FHIT: variants seen among roughly 807,000 people sequenced by gnomAD.
FHIT encodes the protein bis(5'-adenosyl)-triphosphatase.
A neutral mutation model predicts 17.9 loss-of-function variants in FHIT; 19 were observed. The ratio of observed to expected loss-of-function variants is 1.06; its 90% CI spans 0.74 to 1.56. FHIT has a LOEUF of 1.56. Ranked by LOEUF, FHIT falls within the 40% of genes most tolerant of loss-of-function variation. The pLI is 0.00. For synonymous variants in FHIT, 81 were observed against 69.7 expected, an observed-to-expected ratio of 1.16 and a Z score of -0.81; for missense variants, 248 against 189.2, an observed-to-expected ratio of 1.31 and a Z score of -1.82.
At chr3:60,877,844 C>T (rs1342554308) in intron 3 of FHIT, among the ~76,000 whole-genome samples, 1 of 152,004 alleles carries the variant, frequency 6.6e-6, no homozygotes, top group Non-Finnish European at 1.5e-5. Context: ...GGACTCATCA[C>T]TGTGCTACTC....
chr3:60,793,562 C>T (rs1335542503), intron 4 of FHIT, among the ~76,000 whole-genome samples: 2 of 152,216 alleles, frequency 1.3e-5, no homozygotes, highest in African/African-American at 2.4e-5. Context: ...CTCAGCCTCC[C>T]AAAGTGCTGG....
intron 5 of FHIT, among the ~76,000 whole-genome samples, chr3:60,458,369 G>A (rs1309218807): frequency 2.7e-5 from 4 of 150,732 alleles, no homozygotes; most frequent in Non-Finnish European, 5.9e-5. Flanking sequence ...CTCATAGGTG[G>A]GAATTGAACT....
At chr3:60,623,922 G>A (rs1266267131) in intron 4 of FHIT, among the ~76,000 whole-genome samples, 5 of 152,156 alleles carry the variant, frequency 3.3e-5, no homozygotes, top group African/African-American at 1.2e-4. Context: ...CTATGCATCA[G>A]GCACTGTGCT....
At chr3:61,205,925 T>A (rs2039215303) in intron 1 of FHIT, among the ~76,000 whole-genome samples, 1 of 147,964 alleles carries the variant, frequency 6.8e-6, no homozygotes, top group Admixed American at 6.9e-5. Context: ...TTGCCTAGGT[T>A]TTCTTCTAGG....
chr3:60,073,238 G>A (rs971413423), intron 5 of FHIT, among the ~76,000 whole-genome samples: 1 of 152,050 alleles, frequency 6.6e-6, no homozygotes, highest in African/African-American at 2.4e-5. Flanking sequence ...TAGTAGAGAT[G>A]GTTGACTCAA....
At chr3:60,464,429 C>T (rs1385917731) in intron 5 of FHIT, among the ~76,000 whole-genome samples, 1 of 151,896 alleles carries the variant, frequency 6.6e-6, no homozygotes, top group Non-Finnish European at 1.5e-5. Flanking sequence ...CTGTAGTCAC[C>T]CTGTTATGCT....
chr3:60,786,117 G>C (rs989747781), intron 4 of FHIT, among the ~76,000 whole-genome samples: 1 of 152,108 alleles, frequency 6.6e-6, no homozygotes, highest in Admixed American at 6.5e-5. Flanking sequence ...CTAATTTTTA[G>C]AAATTGATAG....
Position 60,311,050 on chromosome 3 carries a change from CACTGTCTT to C in FHIT, c.103+225802_103+225809del, listed in dbSNP as rs1235445492. Among the ~76,000 whole-genome samples, 5 of 152,174 alleles carry C rather than the reference CACTGTCTT, an allele frequency of 3.3e-5. No individual in the cohort carries two copies. The East Asian group carries it at 9.6e-4, about 29-fold the overall frequency. On this transcript the variant is annotated intron_variant, in intron 5 of 9. Transcript: ENST00000492590. The stretch of plus-strand genomic sequence containing the variant: ...CATTGGTACAATATTATATCCAGTC[CACTGTCTT>C]CTGTTTCTCAATTTTGTCAATTAAC...
chr3:61,123,764 G>C (rs1337873894), intron 2 of FHIT, among the ~76,000 whole-genome samples: 2 of 152,092 alleles, frequency 1.3e-5, no homozygotes, highest in African/African-American at 2.4e-5. Context: ...TCTAATTGTA[G>C]TGTTTGCCAA....
chr3:60,767,010 T>C (rs1553721622), intron 4 of FHIT, among the ~76,000 whole-genome samples: 1 of 152,230 alleles, frequency 6.6e-6, no homozygotes, highest in Non-Finnish European at 1.5e-5. Flanking sequence ...GAAATGATTA[T>C]ATAAACTTCA....
At chr3:59,854,825 C>G (rs1702086586) in intron 8 of FHIT, among the ~76,000 whole-genome samples, 2 of 152,138 alleles carry the variant, frequency 1.3e-5, no homozygotes, top group South Asian at 4.1e-4. Context: ...AGCCAGACTG[C>G]CCTGAGGCCT....
intron 3 of FHIT, among the ~76,000 whole-genome samples, chr3:60,950,821 C>T (rs1708848630): frequency 6.6e-6 from 1 of 150,426 alleles, no homozygotes. Flanking sequence ...CCATGCCCGG[C>T]CTAGGTAGGG....
chr3:60,123,981 T>TATAC (rs1705384882), intron 5 of FHIT, among the ~76,000 whole-genome samples: 1 of 33,398 alleles, frequency 3.0e-5, no homozygotes, highest in African/African-American at 1.2e-4. Flanking sequence ...TATATATATA[T>TATAC]ATATATATAT....
intron 5 of FHIT, among the ~76,000 whole-genome samples, chr3:60,175,613 G>A (rs1019614429): frequency 2.0e-5 from 3 of 152,088 alleles, no homozygotes; most frequent in Admixed American, 6.6e-5. Context: ...AGAAAGGAGA[G>A]GTAAGATAGA....
chr3:60,418,167 G>T (rs1032206839), intron 5 of FHIT, among the ~76,000 whole-genome samples: 2 of 151,760 alleles, frequency 1.3e-5, no homozygotes, highest in African/African-American at 4.8e-5. Flanking sequence ...ACTGTATTTA[G>T]ATGGCAGAAT....
At chr3:60,406,323 T>A (rs1396963151) in intron 5 of FHIT, among the ~76,000 whole-genome samples, 1 of 152,234 alleles carries the variant, frequency 6.6e-6, no homozygotes, top group African/African-American at 2.4e-5. Context: ...AAGTTCCTGA[T>A]CCTGAGAACC....
chr3:60,688,760 C>G (rs1553699019), intron 4 of FHIT, among the ~76,000 whole-genome samples: 1 of 152,160 alleles, frequency 6.6e-6, no homozygotes. Context: ...TTTTCTTCCA[C>G]TGGGGGACTT....
At chr3:60,918,803 T>G (rs1157108232) in intron 3 of FHIT, among the ~76,000 whole-genome samples, 1 of 152,196 alleles carries the variant, frequency 6.6e-6, no homozygotes, top group Non-Finnish European at 1.5e-5. Context: ...TTCTAATACA[T>G]GCAATGAAAA....
intron 4 of FHIT, among the ~76,000 whole-genome samples, chr3:60,654,284 C>A (rs575492288): frequency 6.6e-6 from 1 of 152,234 alleles, no homozygotes; most frequent in South Asian, 2.1e-4. Flanking sequence ...AATACACACC[C>A]TTTCTTAGGA....
Sources: gnomAD v4.1 joint callset for allele counts (sites outside exome capture counted in the v4.1 genomes callset) on GRCh38, gnomAD v4.1.1 for gene constraint, MANE v1.5 for transcripts, NCBI Gene and HGNC (gene_info 2026-07-23, HGNC 2026-07-21) for gene names.